Variants in LRP1B observed in about 807,000 individuals in gnomAD.
LRP1B encodes the protein LDL receptor related protein 1B.
LRP1B carries 217 observed loss-of-function variants against 556.6 expected under a neutral mutation model. That is an observed-to-expected ratio of 0.39 (90% CI 0.35 to 0.44). LRP1B has a LOEUF of 0.44. Ranked by LOEUF, LRP1B falls within the 20% of genes least tolerant of loss-of-function variation. The probability of loss-of-function intolerance (pLI) is 1.00; values close to 1 mark genes in which losing one functional copy is unlikely to be tolerated. For synonymous variants in LRP1B, 2,047 were observed against 1,865.8 expected (o/e 1.10, Z -2.50); for missense variants, 5,053 against 5,620.8 (o/e 0.90, Z 3.23).
intron 66 of LRP1B, among the ~76,000 whole-genome samples, chr2:140,399,164 T>TACATACAC (rs1684384748): frequency 8.2e-6 from 1 of 122,412 alleles, no homozygotes; most frequent in East Asian, 2.0e-4. Flanking sequence ...AAGACCAAGA[T>TACATACAC]ACACACACAC....
intron 2 of LRP1B, among the ~76,000 whole-genome samples, chr2:141,763,629 A>G (rs1469318600): frequency 6.6e-6 from 1 of 152,172 alleles, no homozygotes; most frequent in Non-Finnish European, 1.5e-5. Context: ...AGTATGGTGT[A>G]CAATTTTATA....
At chr2:141,940,471 C>T (rs1299630840) in intron 1 of LRP1B, among the ~76,000 whole-genome samples, 2 of 152,100 alleles carry the variant, frequency 1.3e-5, no homozygotes, top group African/African-American at 4.8e-5. Context: ...ATGTACTCTT[C>T]ACAAATTAGA....
At chr2:141,692,491 G>A (rs935258544) in intron 2 of LRP1B, among the ~76,000 whole-genome samples, 2 of 151,834 alleles carry the variant, frequency 1.3e-5, no homozygotes, top group African/African-American at 4.8e-5. Context: ...GTTTGTCATT[G>A]TTTCCCAGGA....
intron 2 of LRP1B, among the ~76,000 whole-genome samples, chr2:141,510,784 T>A (rs1448034795): frequency 1.3e-5 from 2 of 151,900 alleles, no homozygotes; most frequent in African/African-American, 2.4e-5. Flanking sequence ...TCCTGACTTA[T>A]TTCTTTTTAG....
At chr2:140,698,811 C>T (rs1686527868) in intron 41 of LRP1B, among the ~76,000 whole-genome samples, 1 of 152,032 alleles carries the variant, frequency 6.6e-6, no homozygotes, top group African/African-American at 2.4e-5. Context: ...GTCTATCTTG[C>T]ACTTTGAATA....
At chr2:140,714,924 T>C (rs1687157316) in intron 37 of LRP1B, among the ~76,000 whole-genome samples, 1 of 152,024 alleles carries the variant, frequency 6.6e-6, no homozygotes, top group African/African-American at 2.4e-5. Context: ...ACAATAAAAA[T>C]ACTAGGTGCT....
At chr2:141,368,481 G>T (rs955030272) in intron 3 of LRP1B, among the ~76,000 whole-genome samples, 1 of 152,138 alleles carries the variant, frequency 6.6e-6, no homozygotes, top group Non-Finnish European at 1.5e-5. Flanking sequence ...CTTAGCTTTC[G>T]TACTACACAT....
chr2:141,898,035 C>T (rs1197875529), intron 1 of LRP1B, among the ~76,000 whole-genome samples: 1 of 152,102 alleles, frequency 6.6e-6, no homozygotes, highest in Non-Finnish European at 1.5e-5. Context: ...CTCAAATTAA[C>T]TCAATGAAAA....
intron 2 of LRP1B, among the ~76,000 whole-genome samples, chr2:141,604,118 T>C (rs1687839152): frequency 6.6e-6 from 1 of 152,156 alleles, no homozygotes; most frequent in Non-Finnish European, 1.5e-5. Flanking sequence ...TGTATATCGA[T>C]GGATGGTCGA....
At chr2:141,580,505 T>C (rs1686927418) in intron 2 of LRP1B, among the ~76,000 whole-genome samples, 1 of 152,176 alleles carries the variant, frequency 6.6e-6, no homozygotes, top group Non-Finnish European at 1.5e-5. Flanking sequence ...GTTTTGAAAT[T>C]AATTTGATGG....
At chr2:141,491,837 T>C (rs1370040280) in intron 2 of LRP1B, among the ~76,000 whole-genome samples, 1 of 152,100 alleles carries the variant, frequency 6.6e-6, no homozygotes, top group East Asian at 1.9e-4. Flanking sequence ...TTTGTTTTTT[T>C]CTTTTTAAGA....
At chr2:140,541,619 C>A (rs1024618097) in intron 44 of LRP1B, among the ~76,000 whole-genome samples, 160 bp downstream of exon 44, 1 of 151,722 alleles carries the variant, frequency 6.6e-6, no homozygotes, top group African/African-American at 2.4e-5. Flanking sequence ...AACACTATTC[C>A]TAAGAACTAG....
intron 5 of LRP1B, among the ~76,000 whole-genome samples, chr2:141,234,591 G>T (rs552834588): frequency 2.6e-5 from 4 of 151,904 alleles, no homozygotes; most frequent in Non-Finnish European, 4.4e-5. Flanking sequence ...TGGCCAGGCT[G>T]GTCTTGAACT....
intron 2 of LRP1B, among the ~76,000 whole-genome samples, chr2:141,715,087 C>T (rs1040017533): frequency 2.0e-5 from 3 of 152,158 alleles, no homozygotes; most frequent in Non-Finnish European, 4.4e-5. Context: ...TCTGAAATCA[C>T]ACTCTCTTTG....
At chr2:141,048,290 GATTT>G (rs1223060521) in intron 11 of LRP1B, among the ~76,000 whole-genome samples, 1 of 151,956 alleles carries the variant, frequency 6.6e-6, no homozygotes. Context: ...GATCTGGTTT[GATTT>G]ATTATTTGCA....
At chr2:141,888,066 T>C (rs934809009) in intron 1 of LRP1B, among the ~76,000 whole-genome samples, 3 of 152,172 alleles carry the variant, frequency 2.0e-5, no homozygotes, top group Non-Finnish European at 4.4e-5. Flanking sequence ...AATGATGACT[T>C]TTTAAATTCA....
chr2:140,422,524 A>G (rs1685489083), intron 66 of LRP1B, among the ~76,000 whole-genome samples: 1 of 152,222 alleles, frequency 6.6e-6, no homozygotes, highest in South Asian at 2.1e-4. Context: ...TGATTAACAG[A>G]ATGGAAAATA....
intron 2 of LRP1B, among the ~76,000 whole-genome samples, chr2:141,512,511 A>T (rs1439697422): frequency 6.6e-6 from 1 of 152,182 alleles, no homozygotes; most frequent in Non-Finnish European, 1.5e-5. Context: ...GACCTGAGGT[A>T]TCATATTGAG....
At chr2:141,534,830 A>G (rs572997409) in intron 2 of LRP1B, among the ~76,000 whole-genome samples, 1 of 152,246 alleles carries the variant, frequency 6.6e-6, no homozygotes, top group Admixed American at 6.5e-5. Context: ...AGTACACTTC[A>G]GGGCATGGGG....
Sources: allele counts gnomAD v4.1 joint callset (sites outside exome capture counted in the v4.1 genomes callset), GRCh38; gene constraint gnomAD v4.1.1; transcripts MANE v1.5; gene names NCBI Gene and HGNC (gene_info 2026-07-23, HGNC 2026-07-21).